The following PRKCA variants were observed in gnomAD, a reference collection of about 807,000 sequenced individuals.
PRKCA encodes the protein protein kinase C alpha type.
In PRKCA, 27 loss-of-function variants were observed where a neutral mutation model predicts 87.0. The ratio of observed to expected loss-of-function variants is 0.31; its 90% CI spans 0.23 to 0.43. The LOEUF is 0.43. Among genes scored for constraint, PRKCA ranks in the 20% least tolerant of loss-of-function variants. The pLI is 1.00. For synonymous variants in PRKCA, 329 were observed against 311.1 expected, an observed-to-expected ratio of 1.06 and a Z score of -0.61; for missense variants, 518 against 852.3, an observed-to-expected ratio of 0.61 and a Z score of 4.88.
chr17:66,639,354 A>T (rs532039041), intron 3 of PRKCA: 1 of 152,302 alleles, frequency 6.6e-6, no homozygotes, highest in South Asian at 2.1e-4. Context: ...AGACAAATAG[A>T]TCATCTAAGT....
At chr17:66,720,984 G>A (rs966525821) in intron 8 of PRKCA, among the ~76,000 whole-genome samples, 1 of 152,148 alleles carries the variant, frequency 6.6e-6, no homozygotes, top group Non-Finnish European at 1.5e-5. Context: ...ATGTAGTTAC[G>A]TTACTGGAAA....
intron 5 of PRKCA, among the ~76,000 whole-genome samples, chr17:66,654,421 C>CATCAG (rs34737326): frequency 2.0e-5 from 3 of 151,600 alleles, no homozygotes; most frequent in South Asian, 2.1e-4. Flanking sequence ...ATCATCATCA[C>CATCAG]CAGCAGCAGC....
In PRKCA at chr17:66,803,961, T is replaced by C. The variant is rs751445956; in HGVS notation, c.1943T>C (p.Ile648Thr). ...TPPDQLVIANIDQSDFEGFSY... is the reference protein window; with the variant it reads ...TPPDQLVIANTDQSDFEGFSY... ...CCTGATCAGCTGGTTATTGCTAACA[T>C]AGACCAGTCTGATTTTGAAGGGTTC... is the stretch of plus-strand genomic sequence containing the variant. Residue 648 changes from isoleucine (I) to threonine (T), a missense_variant, in exon 17 of 17, where the codon ATA (isoleucine) becomes ACA (threonine). This residue lies in a region of PRKCA where 159 missense variants were observed against 232.4 expected (regional missense o/e 0.68). Transcript: ENST00000413366. The surrounding 1 kb of genome is among the most constrained non-coding windows in gnomAD (Gnocchi z 4.4). 7.4e-6 allele frequency: 12 copies of C among 1,614,080 alleles called. No individual in the cohort carries two copies. In the East Asian group the frequency reaches 1.6e-4, roughly 21 times the overall value.
intron 3 of PRKCA, among the ~76,000 whole-genome samples, chr17:66,616,594 TG>T (rs537477475): frequency 1.1e-3 from 164 of 152,304 alleles, no homozygotes; most frequent in Non-Finnish European, 2.2e-3. Flanking sequence ...CCATGCAGAC[TG>T]AGGTTGGAGC....
intron 2 of PRKCA, among the ~76,000 whole-genome samples, chr17:66,338,955 C>T (rs1222815653): frequency 2.0e-5 from 3 of 152,092 alleles, no homozygotes; most frequent in Non-Finnish European, 4.4e-5. Context: ...ATACTTGTGC[C>T]CACACAGGCC....
intron 2 of PRKCA, among the ~76,000 whole-genome samples, chr17:66,382,462 G>A (rs990872701): frequency 1.3e-5 from 2 of 152,066 alleles, no homozygotes; most frequent in South Asian, 2.1e-4. Flanking sequence ...CACCATGCCC[G>A]GCTGATATTT....
chr17:66,738,644 C>A (rs1006602022), intron 10 of PRKCA, 120 bp from the exon 11 acceptor site: 1 of 773,366 alleles, frequency 1.3e-6, no homozygotes, highest in Non-Finnish European at 2.3e-6. Flanking sequence ...CTAAACTGAG[C>A]ACATCTGCCC....
At chr17:66,416,434 G>A (rs1484672512) in intron 2 of PRKCA, 1 of 152,510 alleles carries the variant, frequency 6.6e-6, no homozygotes, top group African/African-American at 2.4e-5. Context: ...GGCTAGGGGA[G>A]TGGGGAGCAT....
chr17:66,502,958 G>A (rs934857446), intron 3 of PRKCA, among the ~76,000 whole-genome samples: 1 of 152,212 alleles, frequency 6.6e-6, no homozygotes, highest in Non-Finnish European at 1.5e-5. Flanking sequence ...CGCGCCCAGC[G>A]TGCCCCCCAG....
chr17:66,315,543 G>A (rs1449795729), intron 2 of PRKCA, among the ~76,000 whole-genome samples: 3 of 149,920 alleles, frequency 2.0e-5, no homozygotes, highest in Non-Finnish European at 2.9e-5. Context: ...GCAGTAGTGT[G>A]ATCTCAACTC....
At position 66,786,942 on chromosome 17, in the gene PRKCA, T is replaced by C. The variant is rs772270327; in HGVS notation, c.1681T>C (p.Leu561=). Residue 561 remains leucine, a synonymous_variant, in exon 15 of 17, where the codon TTG becomes CTG. Transcript: ENST00000413366. Reference sequence around the variant, plus strand: ...GCACAACGTTTCCTATCCAAAATCCTTGTCCAAGGAGGCTGTTTCTGTCTG... The same window carrying C: ...GCACAACGTTTCCTATCCAAAATCCCTGTCCAAGGAGGCTGTTTCTGTCTG... The part of the protein sequence containing the change: ...MEHNVSYPKS[L]SKEAVSVCKG... 6.2e-6 allele frequency: 10 copies of C among 1,613,856 alleles called. No individual in the cohort carries two copies. The South Asian group carries it at 1.1e-4, about 18-fold the overall frequency.
chr17:66,314,290 C>T (rs910321609), intron 2 of PRKCA, among the ~76,000 whole-genome samples: 1 of 152,168 alleles, frequency 6.6e-6, no homozygotes, highest in Non-Finnish European at 1.5e-5. Context: ...CCCTTTATTT[C>T]AGGTCTTGTT....
chr17:66,425,592 A>G (rs942455859), intron 2 of PRKCA, among the ~76,000 whole-genome samples: 3 of 152,170 alleles, frequency 2.0e-5, no homozygotes, highest in Non-Finnish European at 4.4e-5. Context: ...ACCTGGTAGG[A>G]AGAGAAAAAT....
At chr17:66,451,445 T>C (rs1914314822) in intron 2 of PRKCA, among the ~76,000 whole-genome samples, 1 of 152,042 alleles carries the variant, frequency 6.6e-6, no homozygotes, top group Non-Finnish European at 1.5e-5. Context: ...TGGGCTTTTG[T>C]TTTTGGTAAC....
intron 14 of PRKCA, chr17:66,774,904 G>C (rs1167217149): frequency 1.0e-6 from 1 of 985,248 alleles, no homozygotes; most frequent in East Asian, 1.1e-4. Context: ...AGGTAAATTA[G>C]CTTTCTCTTA....
intron 2 of PRKCA, among the ~76,000 whole-genome samples, chr17:66,356,053 C>G (rs2143451615): frequency 6.6e-6 from 1 of 152,160 alleles, no homozygotes; most frequent in East Asian, 2.0e-4. Flanking sequence ...CACGTGCCAC[C>G]AAGTCCAGCT....
chr17:66,392,699 C>G (rs2143644770), intron 2 of PRKCA, among the ~76,000 whole-genome samples: 1 of 152,270 alleles, frequency 6.6e-6, no homozygotes, highest in Non-Finnish European at 1.5e-5. Context: ...AGCTCAGTGA[C>G]TTGGAGCAAC....
chr17:66,774,107 G>A (rs1256068784), intron 14 of PRKCA, 40 bp downstream of exon 14: 2 of 1,613,830 alleles, frequency 1.2e-6, no homozygotes, highest in Middle Eastern at 1.7e-4. Context: ...TTATTGCTGT[G>A]TTATGTGAAT....
intron 8 of PRKCA, among the ~76,000 whole-genome samples, chr17:66,722,961 T>C (rs1973649824): frequency 6.6e-6 from 1 of 152,238 alleles, no homozygotes; most frequent in African/African-American, 2.4e-5. Context: ...TCAGGGTCTT[T>C]TCCTACTGCA....
Sources: gnomAD v4.1 joint callset for allele counts (sites outside exome capture counted in the v4.1 genomes callset) on GRCh38, gnomAD v4.1.1 for gene constraint, gnomAD v4.1.1 regional missense constraint, Gnocchi (gnomAD v3.1) non-coding constraint, MANE v1.5 for transcripts, NCBI Gene and HGNC (gene_info 2026-07-23, HGNC 2026-07-21) for gene names.